ANGEL1: variants seen among roughly 807,000 people sequenced by gnomAD.
The protein encoded by ANGEL1 is angel homolog 1.
ANGEL1 carries 62 observed loss-of-function variants against 76.4 expected under a neutral mutation model. The ratio of observed to expected loss-of-function variants is 0.81; its 90% CI spans 0.66 to 1.00. ANGEL1 has a LOEUF of 1.00. Among genes scored for constraint, ANGEL1 ranks in the 50% least tolerant of loss-of-function variants. The probability of loss-of-function intolerance (pLI) is 0.00; values close to 1 mark genes in which losing one functional copy is unlikely to be tolerated. For missense variants in ANGEL1, 737 were observed against 836.7 expected, an observed-to-expected ratio of 0.88 and a Z score of 1.47; for synonymous variants, 340 against 331.7, an observed-to-expected ratio of 1.03 and a Z score of -0.27.
intron 5 of ANGEL1, among the ~76,000 whole-genome samples, chr14:76,805,387 G>A (rs1440621968): frequency 6.6e-6 from 1 of 152,184 alleles, no homozygotes; most frequent in Non-Finnish European, 1.5e-5. Context: ...TGAGTTCCTT[G>A]ATTACAGCTC....
At position 76,788,166 on chromosome 14, in the gene ANGEL1, T is replaced by G. The variant is rs2140203820; in HGVS notation, c.*1062A>C. 6.6e-6 allele frequency: 1 copy of G among 152,302 alleles called. No homozygotes were observed. Among genetic ancestry groups the G allele is most frequent in the South Asian group, 2.1e-4 (1 of 4,820 alleles). 9.4% of individuals were successfully genotyped at this position (152,302 alleles called of 1,614,324 possible). On this transcript the variant is annotated 3_prime_UTR_variant, in exon 10 of 10. Coordinates refer to ENST00000251089, the MANE Select transcript of ANGEL1 (RefSeq NM_015305.4). Reference sequence around the variant, plus strand: ...GGAAGGAGAGGAACAGAAAATTGCTTCTTAGGAGTGGAGAGGAAAGAGAAT... The same window carrying G: ...GGAAGGAGAGGAACAGAAAATTGCTGCTTAGGAGTGGAGAGGAAAGAGAAT...
In ANGEL1 at chr14:76,789,153, T is replaced by C. The variant is rs1894323246; in HGVS notation, c.*75A>G. On this transcript the variant is annotated 3_prime_UTR_variant, in exon 10 of 10. Coordinates refer to ENST00000251089, the MANE Select transcript of ANGEL1 (RefSeq NM_015305.4). ...AGTTTCTTGGATCTAAGTTTCTAGA[T>C]GCATGGGATTTTTCCACAGTCTCTG... The C allele has an allele frequency of 6.4e-7, 1 of 1,551,034 alleles. No individual in the cohort carries two copies. Among genetic ancestry groups the C allele is most frequent in the Non-Finnish European group, 8.7e-7 (1 of 1,143,276 alleles).
At chr14:76,801,848 C>T (rs955138403) in intron 7 of ANGEL1, among the ~76,000 whole-genome samples, 13 of 152,052 alleles carry the variant, frequency 8.5e-5, no homozygotes, top group African/African-American at 3.1e-4. Context: ...TATTTTTGTG[C>T]TCTTTCTTTC....
chr14:76,812,308 G>A, intron 1 of ANGEL1: 2 of 997,782 alleles, frequency 2.0e-6, no homozygotes, highest in Non-Finnish European at 2.4e-6. Flanking sequence ...AGTTAACCTG[G>A]GGAAGATCGG....
intron 1 of ANGEL1, among the ~76,000 whole-genome samples, chr14:76,811,263 G>A (rs1220769527): frequency 6.6e-6 from 1 of 152,188 alleles, no homozygotes; most frequent in Non-Finnish European, 1.5e-5. Flanking sequence ...CTAAACCTAT[G>A]TATGGGCTGG....
chr14:76,812,487 C>G (rs1895117067), intron 1 of ANGEL1: 1 of 1,219,022 alleles, frequency 8.2e-7, no homozygotes, highest in Non-Finnish European at 1.0e-6. Context: ...AGGGCCCTGC[C>G]CGTCCACAGC....
intron 7 of ANGEL1, among the ~76,000 whole-genome samples, chr14:76,794,053 G>A (rs1167106335): frequency 6.6e-6 from 1 of 152,058 alleles, no homozygotes; most frequent in Non-Finnish European, 1.5e-5. Flanking sequence ...CTGGCATAAG[G>A]ACAGATACAG....
Position 76,809,571 on chromosome 14 carries a change from G to T in ANGEL1, c.137C>A (p.Ala46Asp), listed in dbSNP as rs1260487129. Reference sequence around the variant, plus strand: ...CTGCTCAGGGCCCCGAGGGGCCATGGCAAAGTCGCCCTCTACCTGGGGGGA... The same window carrying T: ...CTGCTCAGGGCCCCGAGGGGCCATGTCAAAGTCGCCCTCTACCTGGGGGGA... ...SSSPQVEGDF[A>D]MAPRGPEQEE... Residue 46 changes from alanine to aspartate, a missense_variant, in exon 2 of 10, where the codon GCC becomes GAC. By Grantham distance (126) the Ala-to-Asp change is moderately radical. Transcript: ENST00000251089. 1 of 1,614,086 alleles carries T rather than the reference G, an allele frequency of 6.2e-7. No homozygotes were observed. Among genetic ancestry groups the T allele is most frequent in the African/African-American group, 1.3e-5 (1 of 74,948 alleles).
intron 5 of ANGEL1, among the ~76,000 whole-genome samples, chr14:76,805,059 G>T: frequency 6.8e-6 from 1 of 147,082 alleles, no homozygotes. Flanking sequence ...AAATAAAATG[G>T]GATAATAATA....
Position 76,791,278 on chromosome 14 carries a change from G to T in ANGEL1, c.1688+19C>A. On this transcript the variant is annotated intron_variant, in intron 8 of 9. Transcript: ENST00000251089. ...GGCAAGGGCTGGATTGAAAACAGAAGAGAACTGGAGAAGGTTACCTGGAGA... is the reference window on the plus strand; with the variant it reads ...GGCAAGGGCTGGATTGAAAACAGAATAGAACTGGAGAAGGTTACCTGGAGA... 1 of 1,613,810 alleles carries T rather than the reference G, an allele frequency of 6.2e-7. No homozygotes were observed.
chr14:76,789,498 C>A (rs2140205185), intron 9 of ANGEL1, 110 bp from the exon 10 acceptor site: 3 of 1,217,372 alleles, frequency 2.5e-6, no homozygotes, highest in South Asian at 2.9e-5. Context: ...ATCCCCTTGG[C>A]TGCCCACTGC....
intron 1 of ANGEL1, 167 bp downstream of exon 1, chr14:76,812,597 G>C (rs1305003822): frequency 7.7e-7 from 1 of 1,300,202 alleles, no homozygotes; most frequent in Non-Finnish European, 9.8e-7. Flanking sequence ...CGTGGGGTCA[G>C]GAGGGGCCCG....
intron 9 of ANGEL1, among the ~76,000 whole-genome samples, chr14:76,789,860 A>AT (rs1894348771): frequency 6.1e-5 from 3 of 49,078 alleles, no homozygotes; most frequent in Non-Finnish European, 1.5e-4. Context: ...ATGCCTGGCT[A>AT]ATTTTTTTTT....
At chr14:76,804,991 C>G (rs1342879382) in intron 5 of ANGEL1, among the ~76,000 whole-genome samples, 1 of 151,326 alleles carries the variant, frequency 6.6e-6, no homozygotes, top group East Asian at 1.9e-4. Flanking sequence ...GCCTGGGCAA[C>G]AGAGCGAGAC....
At chr14:76,802,009 AG>A (rs1894779610) in intron 7 of ANGEL1, among the ~76,000 whole-genome samples, 1 of 151,838 alleles carries the variant, frequency 6.6e-6, no homozygotes. Flanking sequence ...ATACAAAAAA[AG>A]AAAAAAAAAA....
intron 1 of ANGEL1, among the ~76,000 whole-genome samples, chr14:76,810,785 A>T (rs1379219562): frequency 6.6e-6 from 1 of 152,248 alleles, no homozygotes; most frequent in African/African-American, 2.4e-5. Context: ...GGCAAGAAAG[A>T]AAGTGGGAAA....
At chr14:76,811,542 C>CT (rs1895086261) in intron 1 of ANGEL1, among the ~76,000 whole-genome samples, 1 of 146,638 alleles carries the variant, frequency 6.8e-6, no homozygotes, top group Non-Finnish European at 1.5e-5. Flanking sequence ...GGGCCCTCCT[C>CT]TGAGATCCCT....
chr14:76,812,687 C>A, intron 1 of ANGEL1, 77 bp downstream of exon 1: 1 of 1,416,734 alleles, frequency 7.1e-7, no homozygotes, highest in Non-Finnish European at 9.2e-7. Flanking sequence ...GCCAACCGCA[C>A]GCCGCCCCAG....
chr14:76,804,469 C>G, intron 5 of ANGEL1: 1 of 990,772 alleles, frequency 1.0e-6, no homozygotes, highest in African/African-American at 1.7e-5. Flanking sequence ...CAGTCATCTG[C>G]ACATCTCCAA....
Sources: allele counts gnomAD v4.1 joint callset (sites outside exome capture counted in the v4.1 genomes callset), GRCh38; gene constraint gnomAD v4.1.1; transcripts MANE v1.5; gene names NCBI Gene and HGNC (gene_info 2026-07-23, HGNC 2026-07-21).